FBXO15: variants seen among roughly 807,000 people sequenced by gnomAD.
The protein encoded by FBXO15 is F-box protein 15.
FBXO15 carries 30 observed loss-of-function variants against 49.5 expected under a neutral mutation model. That is an observed-to-expected ratio of 0.61 (90% CI 0.45 to 0.82). FBXO15 has a LOEUF of 0.82. FBXO15 is among the 40% of genes least tolerant of loss of function. The pLI, the probability that FBXO15 is intolerant of heterozygous loss-of-function variation, is 0.00. For synonymous variants in FBXO15, 250 were observed against 232.7 expected, an observed-to-expected ratio of 1.07 and a Z score of -0.68; for missense variants, 591 against 631.5, an observed-to-expected ratio of 0.94 and a Z score of 0.69.
At chr18:74,106,101 C>A (rs1913748869) in intron 8 of FBXO15, among the ~76,000 whole-genome samples, 1 of 152,046 alleles carries the variant, frequency 6.6e-6, no homozygotes, top group Non-Finnish European at 1.5e-5. Context: ...TGCACTTATT[C>A]TTAACAGACA....
At chr18:74,086,986 TCA>T (rs1555675927) in intron 8 of FBXO15, among the ~76,000 whole-genome samples, 1 of 152,184 alleles carries the variant, frequency 6.6e-6, no homozygotes, top group Non-Finnish European at 1.5e-5. Flanking sequence ...AAAAAGCAAG[TCA>T]CATAAATTTT....
chr18:74,128,503 A>G (rs147092467), intron 5 of FBXO15, among the ~76,000 whole-genome samples: 4 of 152,344 alleles, frequency 2.6e-5, no homozygotes, highest in Admixed American at 2.6e-4. Context: ...AGAAAACGAC[A>G]TGGTAAATAC....
At chr18:74,078,304 C>G (rs1912336637) in intron 9 of FBXO15, among the ~76,000 whole-genome samples, 1 of 152,028 alleles carries the variant, frequency 6.6e-6, no homozygotes, top group South Asian at 2.1e-4. Flanking sequence ...CACCAAAATC[C>G]AAATTCTTTC....
chr18:74,138,464 T>C (rs1978860598), intron 2 of FBXO15, among the ~76,000 whole-genome samples: 1 of 152,076 alleles, frequency 6.6e-6, no homozygotes, highest in African/African-American at 2.4e-5. Context: ...CTCTCCTCAA[T>C]GTCTTGGACC....
chr18:74,109,339 G>C (rs1475155217), intron 8 of FBXO15, among the ~76,000 whole-genome samples: 3 of 152,206 alleles, frequency 2.0e-5, no homozygotes, highest in Non-Finnish European at 4.4e-5. Flanking sequence ...ACAGATGCTT[G>C]AGAAGATATG....
At chr18:74,128,154 TTCA>T (rs1978296968) in intron 5 of FBXO15, among the ~76,000 whole-genome samples, 1 of 152,196 alleles carries the variant, frequency 6.6e-6, no homozygotes, top group Non-Finnish European at 1.5e-5. Flanking sequence ...TAATTCATTT[TTCA>T]TCATAACATT....
intron 9 of FBXO15, 85 bp downstream of exon 9, chr18:74,081,842 G>T (rs1033078634): frequency 2.1e-6 from 2 of 936,586 alleles, no homozygotes; most frequent in Non-Finnish European, 3.0e-6. Context: ...ATACATATAT[G>T]ACAATATAAT....
At chr18:74,090,878 C>T in intron 8 of FBXO15, among the ~76,000 whole-genome samples, 1 of 152,082 alleles carries the variant, frequency 6.6e-6, no homozygotes, top group Non-Finnish European at 1.5e-5. Context: ...AGCGTATATT[C>T]TGTTGTTTTG....
chr18:74,114,955 T>C (rs528044483), intron 8 of FBXO15, among the ~76,000 whole-genome samples: 1 of 152,250 alleles, frequency 6.6e-6, no homozygotes, highest in African/African-American at 2.4e-5. Flanking sequence ...TTATTCACTA[T>C]CAGGTAGTGC....
chr18:74,082,164 A>G (rs1912530285), intron 8 of FBXO15, 113 bp from the exon 9 acceptor site: 1 of 1,077,248 alleles, frequency 9.3e-7, no homozygotes, highest in South Asian at 1.8e-5. Context: ...CCCTGGCCTC[A>G]GCGATGAGGG....
chr18:74,107,595 A>C (rs1913828078), intron 8 of FBXO15, among the ~76,000 whole-genome samples: 2 of 152,188 alleles, frequency 1.3e-5, no homozygotes, highest in Non-Finnish European at 2.9e-5. Context: ...CCAGTATAAA[A>C]AAAAGGGAAA....
intron 2 of FBXO15, among the ~76,000 whole-genome samples, 171 bp from the exon 3 acceptor site, chr18:74,136,037 C>T (rs4076855): frequency 0.27 from 40,526 of 152,086 alleles, 8,005 homozygotes; most frequent in African/African-American, 0.55. Context: ...TTTATTGAAA[C>T]GTTCTGGTTA....
At chr18:74,112,412 A>C (rs1456687039) in intron 8 of FBXO15, among the ~76,000 whole-genome samples, 4 of 152,198 alleles carry the variant, frequency 2.6e-5, no homozygotes, top group Non-Finnish European at 5.9e-5. Context: ...TCCATCACAC[A>C]ACAGGCTTAA....
chr18:74,126,599 T>C (rs948364909), intron 5 of FBXO15, among the ~76,000 whole-genome samples: 2 of 152,178 alleles, frequency 1.3e-5, no homozygotes, highest in Admixed American at 1.3e-4. Flanking sequence ...ATAGTGAAAG[T>C]TGACACATCA....
chr18:74,138,470 G>A (rs951431663), intron 2 of FBXO15, among the ~76,000 whole-genome samples: 1 of 151,944 alleles, frequency 6.6e-6, no homozygotes, highest in Non-Finnish European at 1.5e-5. Context: ...TCAATGTCTT[G>A]GACCTCAGGG....
intron 7 of FBXO15, among the ~76,000 whole-genome samples, chr18:74,123,883 G>A (rs1052078939): frequency 1.3e-5 from 2 of 151,840 alleles, no homozygotes; most frequent in Non-Finnish European, 2.9e-5. Context: ...CGATCTGCAG[G>A]ACAAACACCC....
intron 8 of FBXO15, among the ~76,000 whole-genome samples, chr18:74,121,678 G>A (rs529261245): frequency 5.9e-5 from 9 of 152,244 alleles, no homozygotes; most frequent in South Asian, 2.1e-4. Flanking sequence ...AGATCCCACC[G>A]ACCAAGTAAC....
chr18:74,137,723 G>A (rs1328695051), intron 2 of FBXO15, among the ~76,000 whole-genome samples: 1 of 152,184 alleles, frequency 6.6e-6, no homozygotes, highest in African/African-American at 2.4e-5. Context: ...GGGGTAAGGA[G>A]ACAGGATGAT....
At chr18:74,120,154 T>C (rs981315610) in intron 8 of FBXO15, among the ~76,000 whole-genome samples, 6 of 152,206 alleles carry the variant, frequency 3.9e-5, no homozygotes, top group African/African-American at 1.4e-4. Flanking sequence ...CAAAGGGATA[T>C]CATAGTCTCC....
Sources: gnomAD v4.1 joint callset for allele counts (sites outside exome capture counted in the v4.1 genomes callset) on GRCh38, gnomAD v4.1.1 for gene constraint, MANE v1.5 for transcripts, NCBI Gene and HGNC (gene_info 2026-07-23, HGNC 2026-07-21) for gene names.